PIK3R1: variants seen among roughly 807,000 people sequenced by gnomAD.
PIK3R1 encodes phosphoinositide-3-kinase regulatory subunit 1, also known as phosphatidylinositol 3-kinase regulatory subunit alpha.
PIK3R1 carries 29 observed loss-of-function variants against 98.0 expected under a neutral mutation model. That is an observed-to-expected ratio of 0.30 (90% confidence interval 0.22 to 0.40). The LOEUF (loss-of-function observed/expected upper bound fraction) is 0.40. Ranked by LOEUF, PIK3R1 falls within the 10% of genes least tolerant of loss-of-function variation. The pLI is 1.00. For missense variants in PIK3R1, 596 were observed against 872.7 expected (o/e 0.68, Z 3.99); for synonymous variants, 282 against 311.8 (o/e 0.90, Z 1.01).
At chr5:68,282,083 T>G (rs779569294) in intron 7 of PIK3R1, among the ~76,000 whole-genome samples, 38 of 152,034 alleles carry the variant, frequency 2.5e-4, no homozygotes, top group Non-Finnish European at 5.3e-4. Context: ...GAGAGAGGTA[T>G]CCGGTATAGT....
intron 2 of PIK3R1, among the ~76,000 whole-genome samples, chr5:68,240,089 T>A (rs529828987): frequency 6.7e-6 from 1 of 149,862 alleles, no homozygotes; most frequent in African/African-American, 2.4e-5. Context: ...TATTCAACTT[T>A]TATATATATA....
intron 2 of PIK3R1, among the ~76,000 whole-genome samples, chr5:68,250,844 T>A (rs895195413): frequency 2.6e-5 from 4 of 152,216 alleles, no homozygotes; most frequent in African/African-American, 9.7e-5. Context: ...TTGAGGAGCT[T>A]GAATTGGTGC....
At chr5:68,280,878 T>G (rs1310178180) in intron 6 of PIK3R1, 49 bp from the exon 7 acceptor site, 1 of 1,363,430 alleles carries the variant, frequency 7.3e-7, no homozygotes, top group African/African-American at 1.5e-5. Context: ...TAAATGAAAA[T>G]GAGTTTGCTT....
intron 2 of PIK3R1, among the ~76,000 whole-genome samples, chr5:68,241,668 C>T (rs1274923142): frequency 6.6e-6 from 1 of 152,176 alleles, no homozygotes. Context: ...GCCCAGAGTC[C>T]AACACTAGTA....
At chr5:68,256,578 T>G (rs1427977561) in intron 2 of PIK3R1, among the ~76,000 whole-genome samples, 1 of 152,204 alleles carries the variant, frequency 6.6e-6, no homozygotes, top group Non-Finnish European at 1.5e-5. Context: ...GTATTATTGC[T>G]GTACTTCTTT....
chr5:68,239,378 A>G (rs79751866), intron 2 of PIK3R1, among the ~76,000 whole-genome samples: 1,714 of 152,350 alleles, frequency 0.011, 40 homozygotes, highest in African/African-American at 0.039. Context: ...AAATACAGAC[A>G]TTAACATATG....
At position 68,298,410 on chromosome 5, in the gene PIK3R1, C is replaced by CAATTCTTAATTTTCATTA. The variant is rs1163717090; in HGVS notation, c.*811_*828dup. ...TGAAGGCTAAATTCACAGCGCTATGCAATTCTTAATTTTCATTAAGTTGTT... is the reference window on the plus strand; with the variant it reads ...TGAAGGCTAAATTCACAGCGCTATGCAATTCTTAATTTTCATTAAATTCTTAATTTTCATTAAGTTGTT... On this transcript the variant is annotated 3_prime_UTR_variant, in exon 16 of 16. Coordinates refer to ENST00000521381, the MANE Select transcript of PIK3R1 (RefSeq NM_181523.3). 8.6e-6 allele frequency: 2 copies of CAATTCTTAATTTTCATTA among 233,114 alleles called. No individual in the cohort carries two copies. Among genetic ancestry groups the CAATTCTTAATTTTCATTA allele is most frequent in the Non-Finnish European group, 1.7e-5 (2 of 117,794 alleles). The allele number at this position is 233,114 out of a possible 1,614,324, so 14.4% of individuals were successfully genotyped here.
At chr5:68,250,474 A>G (rs1745263665) in intron 2 of PIK3R1, among the ~76,000 whole-genome samples, 1 of 152,200 alleles carries the variant, frequency 6.6e-6, no homozygotes, top group Admixed American at 6.5e-5. Flanking sequence ...AGACTTAGAC[A>G]TATAATAGAA....
chr5:68,228,493 T>C (rs962615513), intron 2 of PIK3R1, among the ~76,000 whole-genome samples: 9 of 152,192 alleles, frequency 5.9e-5, no homozygotes, highest in African/African-American at 9.7e-5. Flanking sequence ...TCTTTGCAGA[T>C]CAATCAAAAA....
chr5:68,241,680 C>T (rs911518405), intron 2 of PIK3R1, among the ~76,000 whole-genome samples: 1 of 152,220 alleles, frequency 6.6e-6, no homozygotes, highest in Non-Finnish European at 1.5e-5. Context: ...ACACTAGTAG[C>T]TGGTAAAGAG....
At chr5:68,233,075 AAAAAAAATTAG>A (rs1419383426) in intron 2 of PIK3R1, among the ~76,000 whole-genome samples, 1 of 152,160 alleles carries the variant, frequency 6.6e-6, no homozygotes, top group Non-Finnish European at 1.5e-5. Context: ...TCTGAGTTAG[AAAAAAAATTAG>A]AAATTCTGAA....
chr5:68,251,448 C>T (rs10940159), intron 2 of PIK3R1, among the ~76,000 whole-genome samples: 13,304 of 150,638 alleles, frequency 0.088, 666 homozygotes, highest in East Asian at 0.17. Flanking sequence ...AGTATGTCTT[C>T]GTGAGCCCTC....
rs754281657 is a variant in PIK3R1, at chr5:68,295,342, A to G, written c.1745+18A>G. On this transcript the variant is annotated intron_variant, in intron 13 of 15. Coordinates refer to ENST00000521381, the MANE Select transcript of PIK3R1 (RefSeq NM_181523.3). ...TACTTGATGTAAGTATTTGAAATGG[A>G]ATCCTATACATGAATAATTGGTGAT... 6.2e-7 allele frequency: 1 copy of G among 1,612,962 alleles called. No individual in the cohort carries two copies. The highest frequency in any genetic ancestry group is 8.5e-7 in the Non-Finnish European group (1 of 1,178,926).
At chr5:68,267,719 T>C (rs536793357) in intron 2 of PIK3R1, among the ~76,000 whole-genome samples, 1 of 152,316 alleles carries the variant, frequency 6.6e-6, no homozygotes, top group South Asian at 2.1e-4. Flanking sequence ...AACTTCATTT[T>C]GTCTTCACAT....
chr5:68,270,124 T>A (rs556111629), intron 2 of PIK3R1, among the ~76,000 whole-genome samples: 16 of 152,250 alleles, frequency 1.1e-4, no homozygotes, highest in Admixed American at 5.2e-4. Flanking sequence ...TTCTCACAGA[T>A]CCTGACTTGG....
chr5:68,288,134 G>A (rs1275999450), intron 7 of PIK3R1, among the ~76,000 whole-genome samples: 3 of 152,142 alleles, frequency 2.0e-5, no homozygotes, highest in Admixed American at 6.5e-5. Flanking sequence ...ATAGTGCCTC[G>A]CTTCACTGTC....
intron 7 of PIK3R1, among the ~76,000 whole-genome samples, chr5:68,289,319 C>T (rs1289084942): frequency 2.6e-5 from 4 of 152,070 alleles, no homozygotes; most frequent in African/African-American, 9.7e-5. Context: ...TGGGAAGAGA[C>T]AAGGTGAGCC....
Position 68,226,602 on chromosome 5 carries a change from T to C in PIK3R1, c.-74T>C, listed in dbSNP as rs1744283403. On this transcript the variant is annotated 5_prime_UTR_variant, in exon 2 of 16. Transcript: ENST00000521381. ...ATTCTAACACATTCTCTGAATTCAC[T>C]TTTCATAAAAACGTAAAATCAGACT... 1 of 1,226,026 alleles carries C rather than the reference T, an allele frequency of 8.2e-7. No homozygotes were observed. The highest frequency in any genetic ancestry group is 2.0e-5 in the Admixed American group (1 of 50,128). The allele number at this position is 1,226,026 out of a possible 1,614,324, so 75.9% of individuals were successfully genotyped here. A position where few individuals can be genotyped will look rare whatever the true frequency, so the allele number is the denominator to read the frequency against.
chr5:68,227,825 G>A (rs1038258286), intron 2 of PIK3R1, among the ~76,000 whole-genome samples: 6 of 152,086 alleles, frequency 3.9e-5, no homozygotes, highest in Non-Finnish European at 7.4e-5. Flanking sequence ...TTCATGAGGG[G>A]GAAGAAAAAT....
Sources: allele counts gnomAD v4.1 joint callset (sites outside exome capture counted in the v4.1 genomes callset), GRCh38; gene constraint gnomAD v4.1.1; transcripts MANE v1.5; gene names NCBI Gene and HGNC (gene_info 2026-07-23, HGNC 2026-07-21).